Variants in FGF12 observed in about 807,000 individuals in gnomAD.
FGF12 encodes fibroblast growth factor 12B.
In FGF12, 14 loss-of-function variants were observed where a neutral mutation model predicts 23.6. The observed-to-expected ratio is 0.59, with a 90% confidence interval of 0.39 to 0.93. FGF12 has a LOEUF of 0.93. Ranked by LOEUF, FGF12 falls within the 40% of genes least tolerant of loss-of-function variation. The pLI, the probability that FGF12 is intolerant of heterozygous loss-of-function variation, is 0.00. For missense variants in FGF12, 175 were observed against 217.8 expected (o/e 0.80, Z 1.24); for synonymous variants, 62 against 77.3 (o/e 0.80, Z 1.04).
At chr3:192,274,868 G>A (rs924039361) in intron 4 of FGF12, among the ~76,000 whole-genome samples, 3 of 151,990 alleles carry the variant, frequency 2.0e-5, no homozygotes, top group East Asian at 1.9e-4. Flanking sequence ...TTTATCCAAC[G>A]ATGCCATCAG....
chr3:192,620,727 C>T (rs1354590193), intron 2 of FGF12, among the ~76,000 whole-genome samples: 1 of 152,250 alleles, frequency 6.6e-6, no homozygotes, highest in East Asian at 1.9e-4. Context: ...ATCAAAATGT[C>T]TGAACTGTCA....
At position 192,727,200 on chromosome 3, in the gene FGF12, C is replaced by G. The variant is rs1440230726; in HGVS notation, c.-7G>C. On this transcript the variant is annotated 5_prime_UTR_variant, in exon 2 of 6. Coordinates refer to ENST00000445105, the MANE Select transcript of FGF12 (RefSeq NM_004113.6). ...ACATACCTTTGCTCTCCATTTCGGT[C>G]CCTTTCGAGTGCTGGGAAGTTCAAT... 6.3e-7 allele frequency: 1 copy of G among 1,578,972 alleles called. No homozygotes were observed.
At chr3:192,393,997 C>T (rs1218044090) in intron 2 of FGF12, among the ~76,000 whole-genome samples, 1 of 152,154 alleles carries the variant, frequency 6.6e-6, no homozygotes, top group Non-Finnish European at 1.5e-5. Context: ...CCAATCAGTT[C>T]CTATGGCATC....
intron 4 of FGF12, among the ~76,000 whole-genome samples, chr3:192,237,419 C>T (rs543972109): frequency 5.3e-4 from 81 of 152,250 alleles, no homozygotes; most frequent in African/African-American, 1.9e-3. Flanking sequence ...CCAATATTCT[C>T]AAATATGTTT....
At chr3:192,306,683 G>C (rs1375625789) in intron 4 of FGF12, among the ~76,000 whole-genome samples, 1 of 152,218 alleles carries the variant, frequency 6.6e-6, no homozygotes, top group African/African-American at 2.4e-5. Context: ...GGTGGCCCCA[G>C]AGAGTCGACA....
intron 4 of FGF12, among the ~76,000 whole-genome samples, chr3:192,302,793 C>T (rs1469122464): frequency 6.6e-6 from 1 of 152,084 alleles, no homozygotes. Flanking sequence ...TGCATTGGTG[C>T]CTGATCTTAA....
intron 4 of FGF12, among the ~76,000 whole-genome samples, chr3:192,287,761 T>C (rs1714534327): frequency 6.6e-6 from 1 of 152,060 alleles, no homozygotes; most frequent in Non-Finnish European, 1.5e-5. Context: ...TTACAAAGGT[T>C]GACACGGCAT....
At chr3:192,378,428 T>A (rs1020433680) in intron 2 of FGF12, among the ~76,000 whole-genome samples, 1 of 142,310 alleles carries the variant, frequency 7.0e-6, no homozygotes, top group African/African-American at 3.1e-5. Context: ...ACTATTAAAA[T>A]AGCTTTCCCA....
intron 4 of FGF12, among the ~76,000 whole-genome samples, chr3:192,242,076 A>C (rs1300325100): frequency 1.3e-5 from 2 of 152,184 alleles, no homozygotes; most frequent in African/African-American, 4.8e-5. Context: ...AAAAAGAAAA[A>C]CACATTAAGC....
chr3:192,718,983 C>T (rs1340155356), intron 2 of FGF12, among the ~76,000 whole-genome samples: 4 of 148,966 alleles, frequency 2.7e-5, no homozygotes, highest in East Asian at 1.9e-4. Flanking sequence ...ATGGGCAAAC[C>T]GAGTTAAAAA....
chr3:192,190,357 C>T (rs1224519450), intron 4 of FGF12, among the ~76,000 whole-genome samples: 1 of 151,700 alleles, frequency 6.6e-6, no homozygotes, highest in African/African-American at 2.4e-5. Flanking sequence ...TTAAAGCATC[C>T]ACATTTTAGA....
intron 4 of FGF12, among the ~76,000 whole-genome samples, chr3:192,189,018 C>T (rs1448102135): frequency 2.0e-5 from 3 of 152,220 alleles, no homozygotes; most frequent in Non-Finnish European, 4.4e-5. Flanking sequence ...AGGCTCCCCT[C>T]CCTACACATG....
intron 2 of FGF12, among the ~76,000 whole-genome samples, chr3:192,406,394 T>C (rs898055799): frequency 4.0e-5 from 6 of 151,790 alleles, no homozygotes; most frequent in African/African-American, 1.5e-4. Flanking sequence ...CTTCAGAGAT[T>C]GAGATATAAA....
intron 4 of FGF12, chr3:192,267,158 A>G (rs1465076503): frequency 6.6e-6 from 1 of 152,176 alleles, no homozygotes; most frequent in Non-Finnish European, 1.5e-5. Flanking sequence ...TGGAGGTTTA[A>G]TTGAGTCTTA....
At chr3:192,447,252 C>T (rs369649289) in intron 2 of FGF12, among the ~76,000 whole-genome samples, 7 of 152,126 alleles carry the variant, frequency 4.6e-5, no homozygotes, top group African/African-American at 1.7e-4. Flanking sequence ...ACCCAATTTG[C>T]TCAAGGCACA....
chr3:192,534,657 G>T (rs1725183565), intron 2 of FGF12, among the ~76,000 whole-genome samples: 1 of 152,144 alleles, frequency 6.6e-6, no homozygotes, highest in African/African-American at 2.4e-5. Flanking sequence ...CTCCCAAAGT[G>T]CTGGGATTAC....
In FGF12 at chr3:192,360,635, C is replaced by T; in HGVS notation, c.14-97G>A. ...ATCCTGTAAGTAAATACGTAAATGC[C>T]AATAGCTTAAATATTGAATTATGTA... On this transcript the variant is annotated intron_variant, in intron 2 of 5. Coordinates refer to ENST00000445105, the MANE Select transcript of FGF12 (RefSeq NM_004113.6). The surrounding 1 kb of genome is among the most constrained non-coding windows in gnomAD (Gnocchi z 4.3). 1.3e-6 allele frequency: 1 copy of T among 786,368 alleles called. No individual in the cohort carries two copies. Among genetic ancestry groups the T allele is most frequent in the Non-Finnish European group, 2.2e-6 (1 of 451,102 alleles). 48.7% of individuals were successfully genotyped at this position (786,368 alleles called of 1,614,324 possible).
intron 2 of FGF12, among the ~76,000 whole-genome samples, chr3:192,416,941 T>C (rs1721376579): frequency 6.6e-6 from 1 of 152,116 alleles, no homozygotes; most frequent in African/African-American, 2.4e-5. Context: ...GAATATTTCT[T>C]TAAACAGTAT....
chr3:192,656,316 CACACAGAGAG>C (rs1323499994), intron 2 of FGF12, among the ~76,000 whole-genome samples: 21 of 67,130 alleles, frequency 3.1e-4, no homozygotes, highest in South Asian at 9.7e-4. Context: ...CACACACACA[CACACAGAGAG>C]AGAATTATAG....
Sources: gnomAD v4.1 joint callset for allele counts (sites outside exome capture counted in the v4.1 genomes callset) on GRCh38, gnomAD v4.1.1 for gene constraint, Gnocchi (gnomAD v3.1) non-coding constraint, MANE v1.5 for transcripts, NCBI Gene and HGNC (gene_info 2026-07-23, HGNC 2026-07-21) for gene names.